The following FHIT variants were observed in gnomAD, a reference collection of about 807,000 sequenced individuals.
FHIT encodes the protein bis(5'-adenosyl)-triphosphatase.
A neutral mutation model predicts 17.9 loss-of-function variants in FHIT; 19 were observed. The observed-to-expected ratio is 1.06, with a 90% CI of 0.74 to 1.56. The LOEUF (loss-of-function observed/expected upper bound fraction) is 1.56, where lower values mean the gene tolerates loss of function less well. Among genes scored for constraint, FHIT ranks in the 40% most tolerant of loss-of-function variants. The probability of loss-of-function intolerance (pLI) is 0.00; values close to 1 mark genes in which losing one functional copy is unlikely to be tolerated. For missense variants in FHIT, 248 were observed against 189.2 expected, an observed-to-expected ratio of 1.31 and a Z score of -1.82; for synonymous variants, 81 against 69.7, an observed-to-expected ratio of 1.16 and a Z score of -0.81.
chr3:60,859,828 G>C (rs530061954), intron 3 of FHIT, among the ~76,000 whole-genome samples: 10 of 134,752 alleles, frequency 7.4e-5, no homozygotes, highest in South Asian at 2.4e-4. Context: ...TGGATCACTT[G>C]AGGTCAGGAG....
chr3:60,381,709 A>G (rs1453948680), intron 5 of FHIT, among the ~76,000 whole-genome samples: 1 of 152,168 alleles, frequency 6.6e-6, no homozygotes, highest in Non-Finnish European at 1.5e-5. Context: ...ACTTTCTAGT[A>G]TCAACTGGTA....
chr3:60,522,478 G>A (rs1000447323), intron 5 of FHIT, among the ~76,000 whole-genome samples: 1 of 152,142 alleles, frequency 6.6e-6, no homozygotes, highest in African/African-American at 2.4e-5. Flanking sequence ...AAAAATCTAT[G>A]TCAGCTACAT....
chr3:61,036,435 G>T (rs1053035328), intron 3 of FHIT, among the ~76,000 whole-genome samples: 4 of 152,000 alleles, frequency 2.6e-5, no homozygotes, highest in African/African-American at 4.8e-5. Context: ...TGTTCAGATT[G>T]TAGTATAGAA....
intron 3 of FHIT, among the ~76,000 whole-genome samples, chr3:61,005,651 T>G (rs988498455): frequency 6.6e-6 from 1 of 152,132 alleles, no homozygotes; most frequent in Admixed American, 6.6e-5. Flanking sequence ...GAAGAAGCTT[T>G]TTCAGAGCAG....
intron 8 of FHIT, among the ~76,000 whole-genome samples, chr3:59,806,451 T>C (rs538033397): frequency 2.0e-5 from 3 of 152,200 alleles, no homozygotes; most frequent in Non-Finnish European, 4.4e-5. Flanking sequence ...TCGTTCCACT[T>C]CTACAGTTAG....
intron 5 of FHIT, among the ~76,000 whole-genome samples, chr3:60,412,922 C>A (rs544081781): frequency 3.9e-5 from 6 of 152,274 alleles, no homozygotes; most frequent in African/African-American, 1.4e-4. Flanking sequence ...CTTTCTCTCA[C>A]CTGCCACCAT....
chr3:60,439,766 T>C (rs528943634), intron 5 of FHIT, among the ~76,000 whole-genome samples: 29 of 152,216 alleles, frequency 1.9e-4, no homozygotes, highest in Admixed American at 2.0e-4. Context: ...AGTGCAGGCA[T>C]ATATCATTTT....
chr3:60,549,164 T>C (rs563639325), intron 4 of FHIT, among the ~76,000 whole-genome samples: 9 of 152,320 alleles, frequency 5.9e-5, no homozygotes, highest in South Asian at 2.1e-4. Flanking sequence ...TATTGTTAAG[T>C]TGCTTCGTAT....
chr3:60,123,391 C>T (rs1705346194), intron 5 of FHIT, among the ~76,000 whole-genome samples: 1 of 152,248 alleles, frequency 6.6e-6, no homozygotes, highest in Non-Finnish European at 1.5e-5. Context: ...TAAACTCATT[C>T]TAAAGTCAAA....
chr3:60,113,919 G>A (rs1219006726), intron 5 of FHIT, among the ~76,000 whole-genome samples: 2 of 141,520 alleles, frequency 1.4e-5, no homozygotes, highest in South Asian at 2.3e-4. Context: ...GGAGAATGGC[G>A]TGAACCCGGG....
chr3:60,876,205 G>A (rs1345223264), intron 3 of FHIT, among the ~76,000 whole-genome samples: 1 of 152,012 alleles, frequency 6.6e-6, no homozygotes, highest in East Asian at 1.9e-4. Context: ...TATGGTCAAT[G>A]AAATCCATTA....
At chr3:60,578,715 A>G (rs2107676124) in intron 4 of FHIT, among the ~76,000 whole-genome samples, 1 of 152,294 alleles carries the variant, frequency 6.6e-6, no homozygotes, top group Middle Eastern at 3.4e-3. Flanking sequence ...GAAAATGGGT[A>G]TTGCTGATCC....
At chr3:60,829,658 T>C (rs1447724111) in intron 3 of FHIT, among the ~76,000 whole-genome samples, 1 of 152,110 alleles carries the variant, frequency 6.6e-6, no homozygotes, top group Non-Finnish European at 1.5e-5. Flanking sequence ...CCTAACATGG[T>C]GCTGGATGGA....
intron 2 of FHIT, among the ~76,000 whole-genome samples, chr3:61,137,013 A>G (rs377702694): frequency 1.6e-4 from 24 of 152,184 alleles, no homozygotes; most frequent in African/African-American, 5.8e-4. Flanking sequence ...ACTGCATTTA[A>G]TGTTGTCAGA....
chr3:60,179,223 T>C (rs1358795490), intron 5 of FHIT, among the ~76,000 whole-genome samples: 1 of 152,142 alleles, frequency 6.6e-6, no homozygotes, highest in Non-Finnish European at 1.5e-5. Context: ...TTATTCTCTT[T>C]TATGCAGAAG....
intron 4 of FHIT, among the ~76,000 whole-genome samples, chr3:60,671,183 A>C (rs1185480875): frequency 2.0e-5 from 3 of 152,218 alleles, no homozygotes; most frequent in African/African-American, 7.2e-5. Context: ...TTACCCTCAG[A>C]ATACCCTTGA....
intron 5 of FHIT, among the ~76,000 whole-genome samples, chr3:60,399,511 C>T (rs765058795): frequency 6.6e-6 from 1 of 152,162 alleles, no homozygotes; most frequent in Non-Finnish European, 1.5e-5. Context: ...TTTTGGACTG[C>T]TTTTGTCTTG....
intron 5 of FHIT, among the ~76,000 whole-genome samples, chr3:60,511,884 A>G (rs1222402873): frequency 2.0e-5 from 3 of 152,156 alleles, no homozygotes; most frequent in African/African-American, 7.2e-5. Flanking sequence ...AATTGGGCAA[A>G]TTTAATCAAA....
At position 60,571,817 on chromosome 3, in the gene FHIT, C is replaced by G. The variant is rs55717913; in HGVS notation, c.-17-34838G>C. On this transcript the variant is annotated intron_variant, in intron 4 of 9. Transcript: ENST00000492590. ...AGATCCAAAAGCAAGGTAACAAAAG[C>G]TATTAGGTGAAGTCCATCAGAGGAA... Among the ~76,000 whole-genome samples the G allele has an allele frequency of 2.2e-3, 341 of 152,232 alleles. 3 individuals carry two copies. Among genetic ancestry groups the G allele is most frequent in the African/African-American group, 8.0e-3 (331 of 41,546 alleles).
Sources: gnomAD v4.1 joint callset for allele counts (sites outside exome capture counted in the v4.1 genomes callset) on GRCh38, gnomAD v4.1.1 for gene constraint, MANE v1.5 for transcripts, NCBI Gene and HGNC (gene_info 2026-07-23, HGNC 2026-07-21) for gene names.